INVS: variants seen among roughly 807,000 people sequenced by gnomAD.
The protein encoded by INVS is inversin, also known as inversion of embryo turning homolog.
In INVS, 86 loss-of-function variants were observed where a neutral mutation model predicts 108.8. That is an observed-to-expected ratio of 0.79 (90% confidence interval 0.66 to 0.95). The LOEUF (loss-of-function observed/expected upper bound fraction) is 0.95. Among genes scored for constraint, INVS ranks in the 40% least tolerant of loss-of-function variants. The pLI, the probability that INVS is intolerant of heterozygous loss-of-function variation, is 0.00. For synonymous variants in INVS, 455 were observed against 473.5 expected, an observed-to-expected ratio of 0.96 and a Z score of 0.51; for missense variants, 1,169 against 1,297.4, an observed-to-expected ratio of 0.90 and a Z score of 1.52.
chr9:100,212,226 A>G (rs1830852889), intron 3 of INVS, among the ~76,000 whole-genome samples: 1 of 152,134 alleles, frequency 6.6e-6, no homozygotes, highest in Non-Finnish European at 1.5e-5. Context: ...TTTCTAATCC[A>G]TTTCTGCTCT....
intron 3 of INVS, among the ~76,000 whole-genome samples, chr9:100,225,066 T>G (rs1449915796): frequency 6.6e-6 from 1 of 151,610 alleles, no homozygotes; most frequent in East Asian, 1.9e-4. Flanking sequence ...TTTTTTGTTT[T>G]TTTTTTTTTG....
chr9:100,194,720 C>T (rs1279728813), intron 3 of INVS, among the ~76,000 whole-genome samples: 2 of 152,076 alleles, frequency 1.3e-5, no homozygotes, highest in African/African-American at 4.8e-5. Context: ...TAAAAGATGT[C>T]CTTGAGCTAA....
chr9:100,216,020 A>G (rs567131232), intron 3 of INVS, among the ~76,000 whole-genome samples: 13 of 152,322 alleles, frequency 8.5e-5, no homozygotes, highest in African/African-American at 3.1e-4. Flanking sequence ...CCCAGTGACC[A>G]GGCAATACAG....
intron 1 of INVS, among the ~76,000 whole-genome samples, chr9:100,100,806 T>C (rs1329183939): frequency 0.039 from 984 of 25,006 alleles, 345 homozygotes; most frequent in Middle Eastern, 0.083. Context: ...AATATATGTA[T>C]ATATAATATA....
intron 3 of INVS, among the ~76,000 whole-genome samples, chr9:100,163,603 G>GA (rs967809567): frequency 7.2e-5 from 11 of 151,812 alleles, no homozygotes; most frequent in Non-Finnish European, 1.5e-4. Context: ...ACATGCTATG[G>GA]AAAAAAAATA....
At chr9:100,292,201 C>T in intron 13 of INVS, 125 bp from the exon 14 acceptor site, 14 of 882,714 alleles carry the variant, frequency 1.6e-5, no homozygotes, top group Admixed American at 1.4e-4. Flanking sequence ...CGTTTTTTTC[C>T]TAGTCTGTAA....
At chr9:100,113,349 A>T (rs1156258423) in intron 2 of INVS, among the ~76,000 whole-genome samples, 1 of 152,244 alleles carries the variant, frequency 6.6e-6, no homozygotes, top group Non-Finnish European at 1.5e-5. Flanking sequence ...TAGGAGTTAC[A>T]CACAACCTGA....
intron 7 of INVS, among the ~76,000 whole-genome samples, chr9:100,243,490 T>C (rs1831945058): frequency 6.6e-6 from 1 of 152,130 alleles, no homozygotes; most frequent in Non-Finnish European, 1.5e-5. Context: ...CAAAAACGAA[T>C]TATTTCCAAA....
intron 2 of INVS, among the ~76,000 whole-genome samples, chr9:100,118,517 T>A (rs1312084115): frequency 6.6e-6 from 1 of 151,790 alleles, no homozygotes; most frequent in East Asian, 2.0e-4. Context: ...CCCCAATTTT[T>A]GTTTTTTATA....
At chr9:100,253,895 T>C (rs1401664828) in intron 10 of INVS, among the ~76,000 whole-genome samples, 1 of 152,206 alleles carries the variant, frequency 6.6e-6, no homozygotes, top group Non-Finnish European at 1.5e-5. Context: ...TGTGTCTTTA[T>C]AGCAGCATGA....
At chr9:100,233,587 TG>T (rs1206702582) in intron 5 of INVS, among the ~76,000 whole-genome samples, 4 of 152,240 alleles carry the variant, frequency 2.6e-5, no homozygotes, top group African/African-American at 9.6e-5. Context: ...GAAGCGGTGT[TG>T]AATGTTATCA....
At chr9:100,190,347 A>T (rs1830182288) in intron 3 of INVS, among the ~76,000 whole-genome samples, 1 of 152,080 alleles carries the variant, frequency 6.6e-6, no homozygotes, top group African/African-American at 2.4e-5. Flanking sequence ...TCAGTGGAGG[A>T]TATAGACCAT....
intron 3 of INVS, among the ~76,000 whole-genome samples, chr9:100,179,906 C>T (rs1477074875): frequency 6.6e-6 from 1 of 152,170 alleles, no homozygotes; most frequent in Admixed American, 6.6e-5. Context: ...AAACACTCCT[C>T]AGCAAATGCA....
At chr9:100,215,747 A>G (rs1830967171) in intron 3 of INVS, among the ~76,000 whole-genome samples, 2 of 152,182 alleles carry the variant, frequency 1.3e-5, no homozygotes, top group South Asian at 4.1e-4. Context: ...GCAACACCAT[A>G]ACCTGAAAAA....
chr9:100,271,369 C>T (rs746789414), intron 11 of INVS, among the ~76,000 whole-genome samples: 7 of 152,062 alleles, frequency 4.6e-5, no homozygotes, highest in Non-Finnish European at 8.8e-5. Context: ...ATATGGATGG[C>T]CTGTGCATTG....
In INVS at chr9:100,219,396, C is replaced by T. The variant is rs115808370; in HGVS notation, c.274-6666C>T. Among the ~76,000 whole-genome samples the T allele has an allele frequency of 4.4e-3, 667 of 152,238 alleles. 4 individuals are homozygous for T. Among genetic ancestry groups the T allele is most frequent in the African/African-American group, 0.015 (641 of 41,550 alleles). On this transcript the variant is annotated intron_variant, in intron 3 of 16. Transcript: ENST00000262457. ...CTGAGGTGGTAGGATCACTTGAGCC[C>T]AGGAGTTGAGTCCAGCCTGGGCAAG...
At chr9:100,296,296 T>C (rs1833789781) in intron 14 of INVS, among the ~76,000 whole-genome samples, 1 of 152,128 alleles carries the variant, frequency 6.6e-6, no homozygotes, top group Non-Finnish European at 1.5e-5. Context: ...AAATAAATCC[T>C]AGATGTAAAT....
chr9:100,134,910 G>A (rs1374826163), intron 3 of INVS, among the ~76,000 whole-genome samples: 1 of 152,166 alleles, frequency 6.6e-6, no homozygotes, highest in African/African-American at 2.4e-5. Flanking sequence ...AGTGGAACAA[G>A]TCAGACACTT....
At chr9:100,222,785 G>A (rs1831192275) in intron 3 of INVS, among the ~76,000 whole-genome samples, 1 of 151,110 alleles carries the variant, frequency 6.6e-6, no homozygotes. Context: ...TTTTCGGTAT[G>A]AAGTGTCACA....
Sources: gnomAD v4.1 joint callset for allele counts (sites outside exome capture counted in the v4.1 genomes callset) on GRCh38, gnomAD v4.1.1 for gene constraint, MANE v1.5 for transcripts, NCBI Gene and HGNC (gene_info 2026-07-23, HGNC 2026-07-21) for gene names.